The following KIF2A variants were observed in gnomAD, a reference collection of about 807,000 sequenced individuals.
KIF2A encodes kinesin-like protein KIF2A.
In KIF2A, 22 loss-of-function variants were observed where a neutral mutation model predicts 100.2. The observed-to-expected ratio is 0.22, with a 90% CI of 0.16 to 0.31. KIF2A has a LOEUF of 0.31. KIF2A is among the 10% of genes least tolerant of loss of function. The pLI is 1.00. For missense variants in KIF2A, 495 were observed against 898.7 expected, an observed-to-expected ratio of 0.55 and a Z score of 5.74; for synonymous variants, 268 against 285.9, an observed-to-expected ratio of 0.94 and a Z score of 0.63.
In KIF2A at chr5:62,388,658, G is replaced by C. The variant is rs1373688294; in HGVS notation, c.*3089G>C. ...TAACTTTTTTATTACTGGAGGAACAGAGCTAAAGGCCTAAAGAAGGCCTTA... is the reference window on the plus strand; with the variant it reads ...TAACTTTTTTATTACTGGAGGAACACAGCTAAAGGCCTAAAGAAGGCCTTA... On this transcript the variant is annotated 3_prime_UTR_variant, in exon 21 of 21. Coordinates refer to ENST00000407818, the MANE Select transcript of KIF2A (RefSeq NM_001098511.3). 1 of 195,140 alleles carries C rather than the reference G, an allele frequency of 5.1e-6. No individual in the cohort carries two copies. The highest frequency in any genetic ancestry group is 2.3e-5 in the African/African-American group (1 of 42,680). The allele number at this position is 195,140 out of a possible 1,614,324, so 12.1% of individuals were successfully genotyped here.
chr5:62,327,359 G>T (rs1746428881), intron 1 of KIF2A, among the ~76,000 whole-genome samples: 1 of 152,128 alleles, frequency 6.6e-6, no homozygotes, highest in Non-Finnish European at 1.5e-5. Context: ...CTCTGCATCT[G>T]TTTATGGGTT....
At chr5:62,361,162 A>T in intron 9 of KIF2A, 80 bp from the exon 10 acceptor site, 1 of 634,898 alleles carries the variant, frequency 1.6e-6, no homozygotes. Context: ...TTATTAATAA[A>T]ATACTTTGTA....
At chr5:62,329,794 T>G (rs1189020589) in intron 1 of KIF2A, among the ~76,000 whole-genome samples, 1 of 152,206 alleles carries the variant, frequency 6.6e-6, no homozygotes, top group Non-Finnish European at 1.5e-5. Flanking sequence ...AATATAGACA[T>G]TAAAGAGGGG....
rs1554044143 is a variant in KIF2A at position 62,388,969 on chromosome 5, A to AT, written c.*3403dup. 6.4e-7 allele frequency: 1 copy of AT among 1,563,858 alleles called. No individual in the cohort carries two copies. The highest frequency in any genetic ancestry group is 1.4e-5 in the African/African-American group (1 of 73,056). ...CTCAAATACAAAAAATACAAAATTC[A>AT]TTTCTTTTCTTGACCTTGAAAATTT... On this transcript the variant is annotated 3_prime_UTR_variant, in exon 21 of 21. Transcript: ENST00000407818.
In KIF2A at chr5:62,310,100, C is replaced by T. The variant is rs550137517; in HGVS notation, c.64+3564C>T. 4.9e-5 allele frequency among the ~76,000 whole-genome samples: 7 copies of T among 142,928 alleles called. 1 individual carries two copies. In the South Asian group the frequency reaches 8.7e-4, roughly 18 times the overall value. 93.8% of individuals were successfully genotyped at this position (142,928 alleles called of 152,430 possible). The stretch of plus-strand genomic sequence containing the variant: ...TTTTTTTTTTTTTGAGACAGAGTCT[C>T]GCTCTGTCAGTGGTGCGATCTCCGC... On this transcript the variant is annotated intron_variant, in intron 1 of 20. Coordinates refer to ENST00000407818, the MANE Select transcript of KIF2A (RefSeq NM_001098511.3).
chr5:62,348,539 G>C (rs1285876513), intron 3 of KIF2A, among the ~76,000 whole-genome samples: 1 of 152,102 alleles, frequency 6.6e-6, no homozygotes, highest in Non-Finnish European at 1.5e-5. Flanking sequence ...ATAGTCTTTT[G>C]AAAGTATAAT....
In KIF2A at chr5:62,377,591, A is replaced by T. The variant is rs962296544; in HGVS notation, c.1912-70A>T. ...TTTCTAAATGATATTTTTCTAAATT[A>T]AAAAAAACTACTTTTATAACATTTA... On this transcript the variant is annotated intron_variant, in intron 18 of 20. Coordinates refer to ENST00000407818, the MANE Select transcript of KIF2A (RefSeq NM_001098511.3). 2.0e-5 allele frequency: 16 copies of T among 803,538 alleles called. No homozygotes were observed. In the East Asian group the frequency reaches 2.1e-4, roughly 10 times the overall value. The allele number at this position is 803,538 out of a possible 1,614,324, so 49.8% of individuals were successfully genotyped here.
At chr5:62,326,693 G>GA (rs902056172) in intron 1 of KIF2A, among the ~76,000 whole-genome samples, 1,714 of 143,296 alleles carry the variant, frequency 0.012, 78 homozygotes, top group Admixed American at 0.084. Flanking sequence ...TCTCCCATCC[G>GA]AAAAAAAAAA....
In KIF2A at chr5:62,363,554, C is replaced by T. The variant is rs1028591036; in HGVS notation, c.1263-141C>T. ...ATCTGGTTCTATTTAAGTGTTATAA[C>T]TCAGTGTCTCATCTGTATTTAAAAG... On this transcript the variant is annotated intron_variant, in intron 13 of 20. Transcript: ENST00000407818. 5 of 756,624 alleles carry T rather than the reference C, an allele frequency of 6.6e-6. No homozygotes were observed. In the African/African-American group the frequency reaches 7.0e-5, roughly 11 times the overall value. 46.9% of individuals were successfully genotyped at this position (756,624 alleles called of 1,614,324 possible). A position where few individuals can be genotyped will look rare whatever the true frequency, so the allele number is the denominator to read the frequency against.
At position 62,359,457 on chromosome 5, in the gene KIF2A, T is replaced by TA. The variant is rs11345898; in HGVS notation, c.872+1169dup. ...ACCAAGTGTACTGGGTAGTCAGTTG[T>TA]AAAAAAAAAAAGGATCAAATTAAAG... On this transcript the variant is annotated intron_variant, in intron 9 of 20. Transcript: ENST00000407818. Among the ~76,000 whole-genome samples the TA allele has an allele frequency of 1.3e-3, 187 of 146,410 alleles. 1 individual carries two copies. The highest frequency in any genetic ancestry group is 5.2e-3 in the South Asian group (24 of 4,660).
chr5:62,350,952 C>A (rs1408310519), intron 4 of KIF2A, among the ~76,000 whole-genome samples: 1 of 151,730 alleles, frequency 6.6e-6, no homozygotes, highest in African/African-American at 2.4e-5. Flanking sequence ...GGGATGATGG[C>A]TGGGAACGGT....
chr5:62,360,886 T>G (rs553148285), intron 9 of KIF2A, among the ~76,000 whole-genome samples: 58 of 151,956 alleles, frequency 3.8e-4, no homozygotes, highest in African/African-American at 1.3e-3. Context: ...ATTTTTGCAG[T>G]TTTTTTCCTC....
chr5:62,369,419 G>T (rs1024122432), intron 16 of KIF2A, among the ~76,000 whole-genome samples: 10 of 152,190 alleles, frequency 6.6e-5, no homozygotes, highest in African/African-American at 2.2e-4. Context: ...AAAACCATTA[G>T]ATCTTGTGAG....
Position 62,373,800 on chromosome 5 carries a change from C to T in KIF2A, c.1874C>T (p.Pro625Leu). 1 of 1,612,856 alleles carries T rather than the reference C, an allele frequency of 6.2e-7. No homozygotes were observed. The highest frequency in any genetic ancestry group is 8.5e-7 in the Non-Finnish European group (1 of 1,178,890). Residue 625 changes from proline to leucine, a missense_variant, in exon 18 of 21, where the codon CCT becomes CTT. Around this residue, in one of 10 missense-constraint regions of KIF2A, gnomAD observed 100 missense variants for 138.2 expected, o/e 0.72. Coordinates refer to ENST00000407818, the MANE Select transcript of KIF2A (RefSeq NM_001098511.3). The stretch of plus-strand genomic sequence containing the variant: ...ACACAGTGGGGTGTGGGGAGTTCCC[C>T]TCAGAGAGATGATCTAAAACTTCTT... The part of the protein sequence containing the change: ...LETQWGVGSS[P>L]QRDDLKLLCE...
chr5:62,390,790 T>C lies in KIF2A; in HGVS notation c.*5221T>C. On this transcript the variant is annotated 3_prime_UTR_variant, in exon 21 of 21. Transcript: ENST00000407818. ...AATAACTCTCCCAGGTAGCACCTTA[T>C]ACCGCTTAAAAGCCTTTAAAATCTC... is the stretch of plus-strand genomic sequence containing the variant. 2.7e-6 allele frequency: 3 copies of C among 1,119,632 alleles called. No homozygotes were observed. Among genetic ancestry groups the C allele is most frequent in the Non-Finnish European group, 4.1e-6 (3 of 732,818 alleles). 69.4% of individuals were successfully genotyped at this position (1,119,632 alleles called of 1,614,324 possible). A position where few individuals can be genotyped will look rare whatever the true frequency, so the allele number is the denominator to read the frequency against.
chr5:62,326,523 A>G (rs2111829189), intron 1 of KIF2A, among the ~76,000 whole-genome samples: 1 of 152,010 alleles, frequency 6.6e-6, no homozygotes, highest in East Asian at 1.9e-4. Context: ...TGCTGTGGAC[A>G]CATTTTTTCT....
chr5:62,361,644 A>G (rs1053896724), intron 11 of KIF2A, 115 bp downstream of exon 11: 14 of 607,674 alleles, frequency 2.3e-5, no homozygotes, highest in Admixed American at 9.1e-5. Flanking sequence ...TTAACTGTCT[A>G]TTATGTCAAT....
At chr5:62,346,702 T>A (rs550334109) in intron 1 of KIF2A, among the ~76,000 whole-genome samples, 1 of 152,240 alleles carries the variant, frequency 6.6e-6, no homozygotes, top group Non-Finnish European at 1.5e-5. Context: ...ATCGCATCAC[T>A]GCTCTATAGC....
In KIF2A at chr5:62,338,124, GATAA is replaced by G. The variant is rs1747073107; in HGVS notation, c.65-9000_65-8997del. On this transcript the variant is annotated intron_variant, in intron 1 of 20. Coordinates refer to ENST00000407818, the MANE Select transcript of KIF2A (RefSeq NM_001098511.3). The stretch of plus-strand genomic sequence containing the variant: ...ATACTAAATGTAATTTTAGTTCAGG[GATAA>G]ATAAACTCATGCATGTATGCTTGAA... Among the ~76,000 whole-genome samples the G allele has an allele frequency of 2.0e-5, 3 of 152,128 alleles. No individual in the cohort carries two copies. The South Asian group carries it at 6.2e-4, about 32-fold the overall frequency.
Sources: allele counts gnomAD v4.1 joint callset (sites outside exome capture counted in the v4.1 genomes callset), GRCh38; gene constraint gnomAD v4.1.1; regional missense constraint gnomAD v4.1.1; transcripts MANE v1.5; gene names NCBI Gene and HGNC (gene_info 2026-07-23, HGNC 2026-07-21).